The following PRIM2 variants were observed in gnomAD, a reference collection of about 807,000 sequenced individuals.
The protein encoded by PRIM2 is DNA primase subunit 2, also known as DNA primase large subunit.
A neutral mutation model predicts 67.3 loss-of-function variants in PRIM2; 39 were observed. The ratio of observed to expected loss-of-function variants is 0.58; its 90% confidence interval spans 0.45 to 0.76. PRIM2 has a LOEUF of 0.76. Ranked by LOEUF, PRIM2 falls within the 30% of genes least tolerant of loss-of-function variation. The probability of loss-of-function intolerance (pLI) is 0.00; values close to 1 mark genes in which losing one functional copy is unlikely to be tolerated. For missense variants in PRIM2, 398 were observed against 598.7 expected (o/e 0.66, Z 3.50); for synonymous variants, 143 against 198.7 (o/e 0.72, Z 2.36).
chr6:57,605,630 T>C (rs1440657830), intron 11 of PRIM2, among the ~76,000 whole-genome samples: 1 of 152,212 alleles, frequency 6.6e-6, no homozygotes, highest in Non-Finnish European at 1.5e-5. Context: ...ATATTAAATT[T>C]TTAATAAGCA....
At chr6:57,253,369 T>C in the PRIM2 span, among the ~76,000 whole-genome samples, 13 of 152,206 alleles carry the variant, frequency 8.5e-5, no homozygotes, top group Admixed American at 7.9e-4. Flanking sequence ...AACTATGGTC[T>C]ATAAATCAGA....
rs1160113480 is a variant in PRIM2 at position 57,542,741 on chromosome 6, A to G, written c.1020+5116A>G. ...TGACTATTTAGTGTTCTGTTGTTAC[A>G]TAGTCCGTATTGTAAATGTTCATGT... On this transcript the variant is annotated intron_variant, in intron 10 of 13. Coordinates refer to ENST00000615550, the MANE Select transcript of PRIM2 (RefSeq NM_000947.5). Among the ~76,000 whole-genome samples, 19 of 151,838 alleles carry G rather than the reference A, an allele frequency of 1.3e-4. 1 individual carries two copies. The highest frequency in any genetic ancestry group is 1.1e-3 in the Admixed American group (17 of 15,230).
intron 7 of PRIM2, among the ~76,000 whole-genome samples, chr6:57,409,057 G>T (rs1194423315): frequency 6.6e-6 from 1 of 151,562 alleles, no homozygotes. Flanking sequence ...GTATTCCATT[G>T]TATGAATATA....
chr6:57,502,378 A>G (rs1774151158), intron 7 of PRIM2, among the ~76,000 whole-genome samples: 1 of 152,146 alleles, frequency 6.6e-6, no homozygotes, highest in South Asian at 2.1e-4. Flanking sequence ...CCTCCTGACA[A>G]GAGACTACTA....
chr6:57,600,857 A>G (rs1776451166), intron 10 of PRIM2, among the ~76,000 whole-genome samples: 1 of 152,242 alleles, frequency 6.6e-6, no homozygotes. Flanking sequence ...AACATTAGCT[A>G]TCTTCTACCT....
intron 7 of PRIM2, among the ~76,000 whole-genome samples, chr6:57,432,850 G>A (rs1771879939): frequency 6.6e-6 from 1 of 152,222 alleles, no homozygotes; most frequent in East Asian, 1.9e-4. Flanking sequence ...TGTATTAGCA[G>A]AATGCCCAAA....
At chr6:57,477,063 TCACTCCAG>T (rs1773494031) in intron 7 of PRIM2, among the ~76,000 whole-genome samples, 1 of 152,252 alleles carries the variant, frequency 6.6e-6, no homozygotes, top group African/African-American at 2.4e-5. Context: ...TGACCACAGC[TCACTCCAG>T]CTTCAACCTC....
intron 8 of PRIM2, among the ~76,000 whole-genome samples, chr6:57,526,161 G>A (rs1554349370): frequency 0.34 from 52,223 of 151,504 alleles, 8,713 homozygotes; most frequent in East Asian, 0.46. Flanking sequence ...CATTTTAGCA[G>A]AAATACACTA....
intron 12 of PRIM2, among the ~76,000 whole-genome samples, chr6:57,607,271 CAT>C (rs1776581671): frequency 6.6e-6 from 1 of 152,080 alleles, no homozygotes; most frequent in Admixed American, 6.6e-5. Context: ...ACAAATCTTA[CAT>C]AGTTTTTTAG....
At position 57,439,416 on chromosome 6, in the gene PRIM2, T is replaced by TG. The variant is rs1772126021; in HGVS notation, c.693+57248_693+57249insG. ...GTAGAGGTACTCTGTTTTTTTTTTT[T>TG]TTTTTTTTTTTTTTTTTGAGACAGA... On this transcript the variant is annotated intron_variant, in intron 7 of 13. Transcript: ENST00000615550. Among the ~76,000 whole-genome samples the TG allele has an allele frequency of 6.7e-4, 81 of 121,606 alleles. 3 individuals carry two copies. The highest frequency in any genetic ancestry group is 5.3e-3 in the South Asian group (19 of 3,568). 79.8% of individuals were successfully genotyped at this position (121,606 alleles called of 152,430 possible).
rs1458745555 is a variant in PRIM2 at position 57,553,584 on chromosome 6, C to A, written c.1020+15959C>A. On this transcript the variant is annotated intron_variant, in intron 10 of 13. Coordinates refer to ENST00000615550, the MANE Select transcript of PRIM2 (RefSeq NM_000947.5). ...AGGTGGACTTATTTTTAAAGGTGGA[C>A]TCTTTTTTTTGCCAACATTGCATGC... Among the ~76,000 whole-genome samples, 84 of 151,990 alleles carry A rather than the reference C, an allele frequency of 5.5e-4. No individual in the cohort carries two copies. The South Asian group carries it at 0.017, about 30-fold the overall frequency.
intron 7 of PRIM2, among the ~76,000 whole-genome samples, chr6:57,452,578 T>C (rs1772594339): frequency 6.6e-6 from 1 of 152,246 alleles, no homozygotes; most frequent in African/African-American, 2.4e-5. Context: ...TGCATAAATG[T>C]CTTCTTTTGA....
At chr6:57,228,661 G>A in the PRIM2 span, among the ~76,000 whole-genome samples, 6 of 152,170 alleles carry the variant, frequency 3.9e-5, no homozygotes, top group Non-Finnish European at 7.3e-5. Flanking sequence ...CAGTCATCCA[G>A]CCAACGTTAT....
chr6:57,290,034 G>T, the PRIM2 span, among the ~76,000 whole-genome samples: 2 of 151,760 alleles, frequency 1.3e-5, no homozygotes, highest in Non-Finnish European at 2.9e-5. Context: ...AAGACCCATC[G>T]GTGTGCTGTA....
At chr6:57,631,130 TTGTG>T (rs1275647591) in intron 12 of PRIM2, among the ~76,000 whole-genome samples, 67 of 152,344 alleles carry the variant, frequency 4.4e-4, no homozygotes, top group African/African-American at 1.5e-3. Context: ...ACTAATTTTT[TTGTG>T]TGTATCTGTC....
chr6:57,297,009 A>G, the PRIM2 span, among the ~76,000 whole-genome samples: 1 of 152,234 alleles, frequency 6.6e-6, no homozygotes, highest in Admixed American at 6.5e-5. Flanking sequence ...ACCATACTCT[A>G]TAGAATAAAA....
At position 57,428,760 on chromosome 6, in the gene PRIM2, C is replaced by T. The variant is rs149619682; in HGVS notation, c.693+46592C>T. ...TTTTATTTGGAAATGATTTTAGACTCACATTTACAAAAATAGTAGAGAGTT... is the reference window on the plus strand; with the variant it reads ...TTTTATTTGGAAATGATTTTAGACTTACATTTACAAAAATAGTAGAGAGTT... On this transcript the variant is annotated intron_variant, in intron 7 of 13. Transcript: ENST00000615550. Among the ~76,000 whole-genome samples, 192 of 152,262 alleles carry T rather than the reference C, an allele frequency of 1.3e-3. 5 individuals carry two copies. In the East Asian group the frequency reaches 0.016, roughly 13 times the overall value.
At chr6:57,318,386 C>T in intron 1 of PRIM2, 51 bp from the exon 2 acceptor site, 65 of 1,465,818 alleles carry the variant, frequency 4.4e-5, no homozygotes, top group South Asian at 2.0e-4. Context: ...CTTTTTTTTC[C>T]CCCAACTTTG....
rs1239335473 is a variant in PRIM2 at position 57,443,336 on chromosome 6, A to G, written c.693+61168A>G. On this transcript the variant is annotated intron_variant, in intron 7 of 13. Transcript: ENST00000615550. ...TTGAGGAATCCTTGTAACATTTTCC[A>G]TATTTGCTGTATTAGTTTACATTCC... Among the ~76,000 whole-genome samples, 2 of 152,106 alleles carry G rather than the reference A, an allele frequency of 1.3e-5. 1 individual carries two copies. The highest frequency in any genetic ancestry group is 4.1e-4 in the South Asian group (2 of 4,824).
Sources: allele counts gnomAD v4.1 joint callset (sites outside exome capture counted in the v4.1 genomes callset), GRCh38; gene constraint gnomAD v4.1.1; transcripts MANE v1.5; gene names NCBI Gene and HGNC (gene_info 2026-07-23, HGNC 2026-07-21).